The following PTPRG variants were observed in gnomAD, a reference collection of about 807,000 sequenced individuals.
PTPRG encodes the protein protein tyrosine phosphatase receptor type G.
A neutral mutation model predicts 165.3 loss-of-function variants in PTPRG; 102 were observed. The ratio of observed to expected loss-of-function variants is 0.62; its 90% confidence interval spans 0.53 to 0.73. The LOEUF is 0.73. Ranked by LOEUF, PTPRG falls within the 30% of genes least tolerant of loss-of-function variation. The probability of loss-of-function intolerance (pLI) is 0.00; values close to 1 mark genes in which losing one functional copy is unlikely to be tolerated. For synonymous variants in PTPRG, 675 were observed against 669.5 expected (o/e 1.01, Z -0.13); for missense variants, 1,866 against 1,861.4 (o/e 1.00, Z -0.05).
intron 7 of PTPRG, among the ~76,000 whole-genome samples, chr3:62,165,002 C>T (rs1037253974): frequency 6.6e-6 from 1 of 152,170 alleles, no homozygotes; most frequent in Non-Finnish European, 1.5e-5. Flanking sequence ...GTCCATTTCT[C>T]TAAAAAGTCA....
intron 2 of PTPRG, among the ~76,000 whole-genome samples, chr3:61,799,718 G>A (rs1380210742): frequency 6.6e-6 from 1 of 152,154 alleles, no homozygotes; most frequent in East Asian, 1.9e-4. Flanking sequence ...GTTGGTATTT[G>A]TTAGATTTCT....
chr3:62,165,046 A>G (rs1028892480), intron 7 of PTPRG, among the ~76,000 whole-genome samples: 1 of 151,828 alleles, frequency 6.6e-6, no homozygotes, highest in Non-Finnish European at 1.5e-5. Flanking sequence ...TCTCTATTAA[A>G]CTCACGTCTC....
intron 2 of PTPRG, among the ~76,000 whole-genome samples, chr3:61,944,870 T>C (rs2039717652): frequency 6.6e-6 from 1 of 152,196 alleles, no homozygotes; most frequent in African/African-American, 2.4e-5. Context: ...ATTGGCCAGC[T>C]GGCTTCCTCC....
chr3:61,723,553 A>T (rs768748653), intron 1 of PTPRG, among the ~76,000 whole-genome samples: 9 of 152,202 alleles, frequency 5.9e-5, no homozygotes, highest in Non-Finnish European at 1.2e-4. Flanking sequence ...CTACTGTTAG[A>T]TTATCTTTAG....
intron 1 of PTPRG, among the ~76,000 whole-genome samples, chr3:61,603,048 A>G (rs1337038975): frequency 6.6e-6 from 1 of 152,104 alleles, no homozygotes; most frequent in Non-Finnish European, 1.5e-5. Context: ...TAGTGATGTT[A>G]CTTCATTTTG....
intron 2 of PTPRG, among the ~76,000 whole-genome samples, chr3:61,972,929 G>T (rs1300225843): frequency 6.6e-6 from 1 of 152,032 alleles, no homozygotes; most frequent in South Asian, 2.1e-4. Context: ...AAAGTGTTGG[G>T]CTTATAGGCA....
intron 2 of PTPRG, among the ~76,000 whole-genome samples, chr3:61,974,173 A>G (rs2040448223): frequency 6.6e-6 from 1 of 152,152 alleles, no homozygotes; most frequent in South Asian, 2.1e-4. Context: ...GATACCTTAA[A>G]TAGGGCAGAC....
At chr3:61,619,449 TGGC>T (rs1701389541) in intron 1 of PTPRG, among the ~76,000 whole-genome samples, 1 of 152,174 alleles carries the variant, frequency 6.6e-6, no homozygotes, top group Non-Finnish European at 1.5e-5. Flanking sequence ...ATGGTGCTAC[TGGC>T]ATTTGGTAGG....
chr3:61,918,020 C>T (rs2038984892), intron 2 of PTPRG, among the ~76,000 whole-genome samples: 1 of 152,146 alleles, frequency 6.6e-6, no homozygotes, highest in African/African-American at 2.4e-5. Context: ...ACTAATGAAT[C>T]ATGTAGCTTA....
intron 2 of PTPRG, among the ~76,000 whole-genome samples, chr3:61,892,223 G>T (rs548711396): frequency 6.6e-6 from 1 of 152,088 alleles, no homozygotes; most frequent in African/African-American, 2.4e-5. Flanking sequence ...CCCATACCAC[G>T]TGATTTTTTG....
At chr3:61,603,900 T>C (rs1022098839) in intron 1 of PTPRG, among the ~76,000 whole-genome samples, 1 of 152,220 alleles carries the variant, frequency 6.6e-6, no homozygotes, top group Non-Finnish European at 1.5e-5. Flanking sequence ...GATTAAGGGC[T>C]CATTCTACTC....
intron 2 of PTPRG, among the ~76,000 whole-genome samples, chr3:61,980,484 G>A (rs1404166028): frequency 2.6e-5 from 4 of 152,126 alleles, no homozygotes; most frequent in African/African-American, 9.7e-5. Context: ...AAGAAGATAG[G>A]AAGAAAGAGG....
intron 6 of PTPRG, among the ~76,000 whole-genome samples, chr3:62,145,189 G>A (rs1484023403): frequency 6.6e-6 from 1 of 152,098 alleles, no homozygotes; most frequent in Non-Finnish European, 1.5e-5. Context: ...TTGACTAGTC[G>A]TACAACCTGA....
intron 2 of PTPRG, among the ~76,000 whole-genome samples, chr3:61,844,928 T>C (rs1390055372): frequency 6.6e-6 from 1 of 152,200 alleles, no homozygotes; most frequent in Non-Finnish European, 1.5e-5. Context: ...TGGCAATAGT[T>C]GAAAGGTTTT....
intron 2 of PTPRG, among the ~76,000 whole-genome samples, chr3:61,796,049 G>A (rs978101132): frequency 2.0e-5 from 3 of 152,138 alleles, no homozygotes; most frequent in Non-Finnish European, 4.4e-5. Flanking sequence ...TTGAAAGTGG[G>A]CATTAATATT....
At chr3:62,287,418 G>A (rs1031130761) in intron 28 of PTPRG, among the ~76,000 whole-genome samples, 1 of 152,016 alleles carries the variant, frequency 6.6e-6, no homozygotes, top group African/African-American at 2.4e-5. Flanking sequence ...TATCCTCAGA[G>A]ATCTAAAGGA....
intron 4 of PTPRG, among the ~76,000 whole-genome samples, chr3:62,012,121 A>G (rs1307270313): frequency 6.6e-6 from 1 of 152,174 alleles, no homozygotes; most frequent in Non-Finnish European, 1.5e-5. Flanking sequence ...GCAATTTAAT[A>G]GACACGACCT....
chr3:61,723,092 G>A (rs897122450), intron 1 of PTPRG, among the ~76,000 whole-genome samples: 1 of 151,970 alleles, frequency 6.6e-6, no homozygotes, highest in Non-Finnish European at 1.5e-5. Flanking sequence ...CTGATTTCCT[G>A]TCTCCTTTAT....
chr3:62,148,184 G>T (rs756389546), intron 6 of PTPRG, among the ~76,000 whole-genome samples: 2 of 152,072 alleles, frequency 1.3e-5, no homozygotes, highest in Non-Finnish European at 2.9e-5. Context: ...ACTGAGATGG[G>T]GGGCTCAGGC....
Sources: gnomAD v4.1 joint callset for allele counts (sites outside exome capture counted in the v4.1 genomes callset) on GRCh38, gnomAD v4.1.1 for gene constraint, MANE v1.5 for transcripts, NCBI Gene and HGNC (gene_info 2026-07-23, HGNC 2026-07-21) for gene names.